Variants in DMD observed in about 807,000 individuals in gnomAD.
The protein encoded by DMD is mutant dystrophin.
DMD carries 63 observed loss-of-function variants against 330.1 expected under a neutral mutation model. The ratio of observed to expected loss-of-function variants is 0.19; its 90% CI spans 0.16 to 0.24. The LOEUF is 0.24. Among genes scored for constraint, DMD ranks in the 10% least tolerant of loss-of-function variants. The pLI is 1.00. For synonymous variants in DMD, 1,223 were observed against 959.8 expected, an observed-to-expected ratio of 1.27 and a Z score of -5.07; for missense variants, 3,344 against 2,684.1, an observed-to-expected ratio of 1.25 and a Z score of -5.43.
At chrX:33,018,452 A>G (rs2093847479) in intron 2 of DMD, among the ~76,000 whole-genome samples, 1 of 111,997 alleles carries the variant, frequency 8.9e-6, no homozygotes, top group Admixed American at 9.5e-5. Flanking sequence ...ATATATAAAT[A>G]GAGGATGGAT....
intron 51 of DMD, among the ~76,000 whole-genome samples, chrX:31,754,203 T>C (rs781391563): frequency 2.8e-4 from 31 of 111,654 alleles, no homozygotes; most frequent in Non-Finnish European, 4.5e-4. Flanking sequence ...TGACAAGTAG[T>C]GTACGATTAC....
chrX:33,058,338 G>A (rs746234529), intron 1 of DMD, among the ~76,000 whole-genome samples: 4 of 111,563 alleles, frequency 3.6e-5, no homozygotes, highest in Non-Finnish European at 7.5e-5. Context: ...AGGCAGGAGT[G>A]TAGTGGTGCA....
intron 30 of DMD, among the ~76,000 whole-genome samples, chrX:32,406,342 G>C (rs997026999): frequency 1.8e-5 from 2 of 111,188 alleles, no homozygotes; most frequent in African/African-American, 6.6e-5. Flanking sequence ...GTTTTCAAAG[G>C]GAATGCTTCC....
chrX:32,485,249 C>T (rs1005238199), intron 20 of DMD, 150 bp from the exon 21 acceptor site: 1 of 529,426 alleles, frequency 1.9e-6, no homozygotes, highest in Non-Finnish European at 3.2e-6. Flanking sequence ...TATAGACAAG[C>T]CTCTATCACC....
chrX:33,108,868 G>GAGAAAAAAAAAAAAAAAAA (rs2095315350), intron 1 of DMD, among the ~76,000 whole-genome samples: 1 of 24,230 alleles, frequency 4.1e-5, no homozygotes, highest in African/African-American at 9.5e-5. Flanking sequence ...CTCCGTTTCG[G>GAGAAAAAAAAAAAAAAAAA]AAAAAAAAAA....
intron 11 of DMD, among the ~76,000 whole-genome samples, chrX:32,636,700 CA>C (rs1185383217): frequency 9.0e-6 from 1 of 111,654 alleles, no homozygotes; most frequent in Non-Finnish European, 1.9e-5. Context: ...TGGCTGGATG[CA>C]AAAGATTCTT....
At chrX:33,301,976 A>G (rs1439906341) in intron 1 of DMD, among the ~76,000 whole-genome samples, 3 of 112,135 alleles carry the variant, frequency 2.7e-5, no homozygotes, top group Non-Finnish European at 5.6e-5. Flanking sequence ...TAATATTTTG[A>G]AAAATTTTAT....
chrX:31,813,795 A>G (rs2092532033), intron 50 of DMD, among the ~76,000 whole-genome samples: 1 of 111,807 alleles, frequency 8.9e-6, no homozygotes, highest in Non-Finnish European at 1.9e-5. Context: ...AGGAAGACTC[A>G]CAGGTACTTG....
chrX:32,911,522 C>T (rs951876941), intron 2 of DMD, among the ~76,000 whole-genome samples: 3 of 112,042 alleles, frequency 2.7e-5, no homozygotes, highest in Non-Finnish European at 5.6e-5. Flanking sequence ...AAGGAATATA[C>T]ATTTAATAAT....
intron 1 of DMD, among the ~76,000 whole-genome samples, chrX:33,037,065 A>T (rs2094216741): frequency 9.0e-6 from 1 of 111,431 alleles, no homozygotes; most frequent in Non-Finnish European, 1.9e-5. Flanking sequence ...GGTGTACTGC[A>T]ATTTGCCCTA....
intron 1 of DMD, among the ~76,000 whole-genome samples, chrX:33,022,334 T>G (rs1326989122): frequency 9.0e-6 from 1 of 110,708 alleles, no homozygotes; most frequent in Non-Finnish European, 1.9e-5. Flanking sequence ...GAGTAATTTT[T>G]AGGTAAGCAT....
chrX:31,271,160 C>T (rs1047640763), intron 62 of DMD, among the ~76,000 whole-genome samples: 4 of 111,678 alleles, frequency 3.6e-5, no homozygotes, highest in Non-Finnish European at 5.6e-5. Flanking sequence ...GAGTAGCATT[C>T]TCCGAGCTAG....
chrX:32,751,278 C>A (rs1297334975), intron 7 of DMD, among the ~76,000 whole-genome samples: 1 of 110,651 alleles, frequency 9.0e-6, no homozygotes, highest in East Asian at 2.9e-4. Context: ...TAGCTTTGAC[C>A]AAGATGCTGA....
chrX:31,420,898 G>C (rs1475788210), intron 60 of DMD, among the ~76,000 whole-genome samples: 1 of 112,135 alleles, frequency 8.9e-6, no homozygotes, highest in African/African-American at 3.2e-5. Context: ...AGTCCTGTCT[G>C]GCTGCAGGCA....
intron 4 of DMD, among the ~76,000 whole-genome samples, chrX:32,841,409 C>G (rs1484051778): frequency 9.0e-6 from 1 of 111,507 alleles, no homozygotes; most frequent in African/African-American, 3.3e-5. Context: ...CCAATAAAAT[C>G]TCGAACAAAG....
intron 42 of DMD, among the ~76,000 whole-genome samples, chrX:32,289,277 ATAGT>A (rs1404692782): frequency 9.0e-6 from 1 of 110,665 alleles, no homozygotes. Context: ...AGAGACCCTA[ATAGT>A]TAGGCAGAAA....
chrX:32,572,597 T>C (rs2052553576), intron 15 of DMD, among the ~76,000 whole-genome samples: 1 of 108,419 alleles, frequency 9.2e-6, no homozygotes, highest in African/African-American at 3.4e-5. Context: ...TGAAACCAAA[T>C]GCTTCAATGA....
At chrX:32,467,779 A>AT (rs2040196414) in intron 23 of DMD, among the ~76,000 whole-genome samples, 2 of 109,057 alleles carry the variant, frequency 1.8e-5, no homozygotes, top group South Asian at 7.8e-4. Flanking sequence ...TAACACCTTA[A>AT]TTTTAGCCCA....
intron 2 of DMD, among the ~76,000 whole-genome samples, chrX:33,016,924 G>T (rs1319993734): frequency 8.9e-6 from 1 of 111,815 alleles, no homozygotes; most frequent in South Asian, 3.7e-4. Context: ...TATACACGAG[G>T]CTTTTTAAAG....
Sources: allele counts gnomAD v4.1 joint callset (sites outside exome capture counted in the v4.1 genomes callset), GRCh38; gene constraint gnomAD v4.1.1; transcripts MANE v1.5; gene names NCBI Gene and HGNC (gene_info 2026-07-23, HGNC 2026-07-21).